The following HSF1 variants were observed in gnomAD, a reference collection of about 807,000 sequenced individuals.
HSF1 encodes heat shock factor protein 1.
A neutral mutation model predicts 51.7 loss-of-function variants in HSF1; 32 were observed. That is an observed-to-expected ratio of 0.62 (90% CI 0.47 to 0.83). The LOEUF (loss-of-function observed/expected upper bound fraction) is 0.83. HSF1 is among the 40% of genes least tolerant of loss of function. The pLI is 0.00. For missense variants in HSF1, 727 were observed against 717.0 expected (o/e 1.01, Z -0.16); for synonymous variants, 396 against 309.7 (o/e 1.28, Z -2.92).
Position 144,312,054 on chromosome 8 carries a change from C to T in HSF1, c.952C>T (p.Pro318Ser), listed in dbSNP as rs1816705143. 4 of 1,612,236 alleles carry T rather than the reference C, an allele frequency of 2.5e-6. No individual in the cohort carries two copies. The highest frequency in any genetic ancestry group is 3.4e-6 in the Non-Finnish European group (4 of 1,179,748). ...PRVEEASPGR[P>S]SSVDTLLSPT... ...GGTAGAGGAGGCGAGTCCCGGGCGC[C>T]CATCTTCCGTGGACACCCTCTTGTC... Residue 318 changes from proline (P) to serine (S), a missense_variant, in exon 9 of 13, where the codon CCA becomes TCA. By Grantham distance (74) the Pro-to-Ser change is moderately conservative. Coordinates refer to ENST00000528838, the MANE Select transcript of HSF1 (RefSeq NM_005526.4).
chr8:144,304,476 C>T (rs891955559), intron 1 of HSF1, among the ~76,000 whole-genome samples: 6 of 152,132 alleles, frequency 3.9e-5, no homozygotes, highest in Non-Finnish European at 8.8e-5. Flanking sequence ...GATGGGGTCT[C>T]GCTATGTTGC....
At chr8:144,300,858 A>G (rs1464883281) in intron 1 of HSF1, among the ~76,000 whole-genome samples, 2 of 151,962 alleles carry the variant, frequency 1.3e-5, no homozygotes, top group African/African-American at 2.4e-5. Flanking sequence ...TGTACCACAC[A>G]AAGGCAGGAT....
In HSF1 at chr8:144,303,943, C is replaced by A. The variant is rs539074341; in HGVS notation, c.118-4963C>A. On this transcript the variant is annotated intron_variant, in intron 1 of 12. Transcript: ENST00000528838. ...AGGTGGGAGCTGTGGGGAGGGTGAT[C>A]AGAGACCTGGGTGTCCTCAGCCTGC... 9.2e-5 allele frequency among the ~76,000 whole-genome samples: 14 copies of A among 152,260 alleles called. No individual in the cohort carries two copies. In the East Asian group the frequency reaches 2.7e-3, roughly 29 times the overall value.
At chr8:144,307,386 G>C (rs995347821) in intron 1 of HSF1, among the ~76,000 whole-genome samples, 1 of 152,214 alleles carries the variant, frequency 6.6e-6, no homozygotes, top group Non-Finnish European at 1.5e-5. Flanking sequence ...CTGTTCCCAC[G>C]GGGACTGCAG....
chr8:144,293,900 G>A (rs782751457), intron 1 of HSF1, among the ~76,000 whole-genome samples: 1 of 151,452 alleles, frequency 6.6e-6, no homozygotes, highest in Non-Finnish European at 1.5e-5. Flanking sequence ...TAAAGATTAT[G>A]AGGCATGTGG....
chr8:144,311,736 G>A lies in HSF1; in HGVS notation c.760G>A (p.Ala254Thr), dbSNP rs201143946. The part of the protein sequence containing the change: ...SPAYSSSSLY[A>T]PDAVASSGPI... ...AGCCTACAGCAGCTCCAGCCTCTAC[G>A]CCCCTGATGCTGTGGCCAGCTCTGG... Residue 254 changes from alanine (A) to threonine (T), a missense_variant, in exon 8 of 13, where the codon GCC becomes ACC. Physicochemically the swap from Ala to Thr is moderately conservative, Grantham distance 58. Around this residue, in one of 2 missense-constraint regions of HSF1, gnomAD observed 470 missense variants for 398.8 expected, o/e 1.18. Coordinates refer to ENST00000528838, the MANE Select transcript of HSF1 (RefSeq NM_005526.4). 1.2e-4 allele frequency: 200 copies of A among 1,612,616 alleles called. No homozygotes were observed. Among genetic ancestry groups the A allele is most frequent in the Non-Finnish European group, 1.6e-4 (186 of 1,179,664 alleles).
intron 1 of HSF1, among the ~76,000 whole-genome samples, chr8:144,295,672 G>C (rs1815407687): frequency 6.6e-6 from 1 of 151,586 alleles, no homozygotes; most frequent in Non-Finnish European, 1.5e-5. Flanking sequence ...AGTCACCTCA[G>C]CTGAGTCACT....
chr8:144,302,755 G>T (rs566273729), intron 1 of HSF1, among the ~76,000 whole-genome samples: 7 of 152,140 alleles, frequency 4.6e-5, no homozygotes, highest in African/African-American at 1.7e-4. Context: ...CCAGGAGGTA[G>T]AGGTTGCAGT....
chr8:144,293,386 C>T (rs1815236999), intron 1 of HSF1: 1 of 151,964 alleles, frequency 6.6e-6, no homozygotes, highest in African/African-American at 2.4e-5. Context: ...ACCTTGGATT[C>T]TTGTGCAAAG....
At chr8:144,303,445 T>TC (rs1554842742) in intron 1 of HSF1, among the ~76,000 whole-genome samples, 2 of 152,026 alleles carry the variant, frequency 1.3e-5, no homozygotes, top group African/African-American at 4.8e-5. Flanking sequence ...ACGGCCTCTC[T>TC]CCCCAGGCTG....
chr8:144,293,473 C>T (rs1184050188), intron 1 of HSF1: 1 of 149,962 alleles, frequency 6.7e-6, no homozygotes, highest in African/African-American at 2.5e-5. Context: ...CCGAGTCTTG[C>T]TCTGTCACCC....
At chr8:144,302,776 C>T (rs1191237344) in intron 1 of HSF1, among the ~76,000 whole-genome samples, 2 of 151,756 alleles carry the variant, frequency 1.3e-5, no homozygotes, top group African/African-American at 4.8e-5. Context: ...GAGCCCAGAT[C>T]GCGCCACTGC....
chr8:144,312,535 G>A (rs1277475189), intron 9 of HSF1: 1 of 1,179,700 alleles, frequency 8.5e-7, no homozygotes, highest in Non-Finnish European at 1.2e-6. Context: ...AGGTCGTGCT[G>A]CCCAGACACA....
In HSF1 at chr8:144,297,509, G is replaced by T. The variant is rs543517148; in HGVS notation, c.117+5635G>T. Among the ~76,000 whole-genome samples, 1 of 152,342 alleles carries T rather than the reference G, an allele frequency of 6.6e-6. No homozygotes were observed. The highest frequency in any genetic ancestry group is 6.5e-5 in the Admixed American group (1 of 15,300). Reference sequence around the variant, plus strand: ...AAGAGTGTTTATGAGAAAGGTGCGGGTGGCTCAGATGTGGACAGAACCAGA... The same window carrying T: ...AAGAGTGTTTATGAGAAAGGTGCGGTTGGCTCAGATGTGGACAGAACCAGA... On this transcript the variant is annotated intron_variant, in intron 1 of 12. Transcript: ENST00000528838. The surrounding 1 kb of genome is among the most constrained non-coding windows in gnomAD (Gnocchi z 4.6).
At chr8:144,296,855 G>A (rs1815500241) in intron 1 of HSF1, among the ~76,000 whole-genome samples, 1 of 151,402 alleles carries the variant, frequency 6.6e-6, no homozygotes, top group Non-Finnish European at 1.5e-5. Context: ...CAGCTTCTGT[G>A]CATAGCACAG....
At position 144,291,986 on chromosome 8, in the gene HSF1, C is replaced by A; in HGVS notation, c.117+112C>A. 1.9e-6 allele frequency: 1 copy of A among 517,770 alleles called. No homozygotes were observed. 32.1% of individuals were successfully genotyped at this position (517,770 alleles called of 1,614,324 possible). ...GCCCTGCCGCACTTCAGCTTACGCGCGGTGAGCCTGCCCTGCCCCCGCCAG... is the reference window on the plus strand; with the variant it reads ...GCCCTGCCGCACTTCAGCTTACGCGAGGTGAGCCTGCCCTGCCCCCGCCAG... On this transcript the variant is annotated intron_variant, in intron 1 of 12. Coordinates refer to ENST00000528838, the MANE Select transcript of HSF1 (RefSeq NM_005526.4). This position sits in a 1 kb window ranked among gnomAD's most constrained non-coding sequence, Gnocchi z 4.1.
intron 9 of HSF1, 63 bp from the exon 10 acceptor site, chr8:144,313,448 C>T: frequency 2.7e-6 from 3 of 1,091,404 alleles, no homozygotes; most frequent in Non-Finnish European, 2.8e-6. Context: ...CCTTCTCCCA[C>T]AGGAGGGCAT....
chr8:144,310,570 C>T (rs1816566172), intron 4 of HSF1: 2 of 162,076 alleles, frequency 1.2e-5, no homozygotes, highest in African/African-American at 2.4e-5. Flanking sequence ...TGGGGTCTAG[C>T]AGGAGCCACC....
chr8:144,309,056 A>C, intron 2 of HSF1, 42 bp downstream of exon 2: 1 of 1,422,916 alleles, frequency 7.0e-7, no homozygotes, highest in Non-Finnish European at 9.9e-7. Flanking sequence ...CGGGAGGCAG[A>C]CCTGCAGATG....
Sources: gnomAD v4.1 joint callset for allele counts (sites outside exome capture counted in the v4.1 genomes callset) on GRCh38, gnomAD v4.1.1 for gene constraint, gnomAD v4.1.1 regional missense constraint, Gnocchi (gnomAD v3.1) non-coding constraint, MANE v1.5 for transcripts, NCBI Gene and HGNC (gene_info 2026-07-23, HGNC 2026-07-21) for gene names.